Variants in CDH13 observed in about 807,000 individuals in gnomAD.
The protein encoded by CDH13 is cadherin 13, also known as cadherin-13.
A neutral mutation model predicts 63.8 loss-of-function variants in CDH13; 24 were observed. The observed-to-expected ratio is 0.38, with a 90% CI of 0.27 to 0.53. The LOEUF is 0.53. Ranked by LOEUF, CDH13 falls within the 20% of genes least tolerant of loss-of-function variation. CDH13 has a pLI of 0.85. For missense variants in CDH13, 1,049 were observed against 903.1 expected (o/e 1.16, Z -2.07); for synonymous variants, 503 against 355.3 (o/e 1.42, Z -4.67).
intron 4 of CDH13, among the ~76,000 whole-genome samples, chr16:83,143,128 C>G (rs1490747687): frequency 6.6e-6 from 1 of 152,116 alleles, no homozygotes; most frequent in Non-Finnish European, 1.5e-5. Flanking sequence ...GAGTTAAGGG[C>G]AGGCTGTCTT....
intron 10 of CDH13, among the ~76,000 whole-genome samples, chr16:83,724,978 G>A (rs1056200660): frequency 3.9e-5 from 6 of 152,184 alleles, no homozygotes; most frequent in African/African-American, 1.4e-4. Flanking sequence ...CTGATTCACA[G>A]ATAGTGGGGA....
intron 7 of CDH13, among the ~76,000 whole-genome samples, chr16:83,514,468 A>G (rs2074652011): frequency 6.6e-6 from 1 of 152,138 alleles, no homozygotes; most frequent in Non-Finnish European, 1.5e-5. Context: ...ACCTGGTGAA[A>G]CCCAATCTCC....
intron 6 of CDH13, among the ~76,000 whole-genome samples, chr16:83,370,998 C>G (rs2091356224): frequency 6.6e-6 from 1 of 152,160 alleles, no homozygotes; most frequent in African/African-American, 2.4e-5. Flanking sequence ...CATCTCACAC[C>G]AGTCAGAATG....
intron 1 of CDH13, among the ~76,000 whole-genome samples, chr16:82,677,589 G>A (rs1262532470): frequency 6.6e-6 from 1 of 151,936 alleles, no homozygotes; most frequent in East Asian, 1.9e-4. Flanking sequence ...TCTTTCAACA[G>A]TGAGGAAATC....
chr16:83,183,653 C>T (rs1027074231), intron 4 of CDH13, among the ~76,000 whole-genome samples: 10 of 152,198 alleles, frequency 6.6e-5, no homozygotes, highest in Non-Finnish European at 1.0e-4. Context: ...GCTTCCATTT[C>T]GCTCTGGATC....
chr16:82,798,018 G>A (rs528784439), intron 1 of CDH13, among the ~76,000 whole-genome samples: 2 of 152,270 alleles, frequency 1.3e-5, no homozygotes, highest in South Asian at 2.1e-4. Context: ...CCATCACAAA[G>A]TAAAGAGACA....
At chr16:83,090,083 G>C (rs2033818462) in intron 3 of CDH13, among the ~76,000 whole-genome samples, 1 of 152,142 alleles carries the variant, frequency 6.6e-6, no homozygotes, top group African/African-American at 2.4e-5. Flanking sequence ...ACCTCGCGTA[G>C]ATTTGAGGCT....
intron 1 of CDH13, among the ~76,000 whole-genome samples, chr16:82,763,966 C>G (rs902309189): frequency 2.6e-5 from 4 of 152,176 alleles, no homozygotes. Context: ...AGCCACTGTG[C>G]CTGGCCATCC....
intron 2 of CDH13, among the ~76,000 whole-genome samples, chr16:83,027,033 G>T (rs1203943505): frequency 1.3e-5 from 2 of 151,758 alleles, no homozygotes; most frequent in African/African-American, 4.8e-5. Flanking sequence ...AAATCAAGAG[G>T]TCACTACGGG....
chr16:83,039,805 TC>T (rs771538208), intron 3 of CDH13, among the ~76,000 whole-genome samples: 2 of 152,090 alleles, frequency 1.3e-5, no homozygotes, highest in Non-Finnish European at 2.9e-5. Context: ...AGCTTTCCCA[TC>T]CCTTCACACT....
At chr16:82,899,428 A>G (rs2041381898) in intron 2 of CDH13, among the ~76,000 whole-genome samples, 1 of 152,246 alleles carries the variant, frequency 6.6e-6, no homozygotes. Flanking sequence ...ATTGAAAGGT[A>G]TCATAAAATG....
At chr16:82,884,421 A>G in intron 2 of CDH13, 1 of 320,254 alleles carries the variant, frequency 3.1e-6, no homozygotes, top group Non-Finnish European at 6.2e-6. Flanking sequence ...GTTGCAGTAG[A>G]CAAAGCAAGA....
rs771379747 is a variant in CDH13 at position 83,080,232 on chromosome 16, G to A, written c.367-45153G>A. Among the ~76,000 whole-genome samples, 181 of 152,204 alleles carry A rather than the reference G, an allele frequency of 1.2e-3. 1 individual carries two copies. Among genetic ancestry groups the A allele is most frequent in the South Asian group, 9.8e-3 (47 of 4,798 alleles). On this transcript the variant is annotated intron_variant, in intron 3 of 13. Coordinates refer to ENST00000567109, the MANE Select transcript of CDH13 (RefSeq NM_001257.5). ...TCATTCTTCAGTTGGAGGTGGTTCA[G>A]GGCCCCATGTTGCTCAAATTGGTGA...
At chr16:83,546,984 C>A (rs1008159304) in intron 7 of CDH13, among the ~76,000 whole-genome samples, 2 of 152,204 alleles carry the variant, frequency 1.3e-5, no homozygotes, top group East Asian at 3.9e-4. Flanking sequence ...CGGTCCTGAA[C>A]AGCCTGGCTT....
rs1009422887 is a variant in CDH13 at position 83,131,749 on chromosome 16, A to C, written c.483+6248A>C. 2.2e-4 allele frequency among the ~76,000 whole-genome samples: 34 copies of C among 152,220 alleles called. 1 individual carries two copies. Among genetic ancestry groups the C allele is most frequent in the Non-Finnish European group, 1.3e-4 (9 of 68,040 alleles). On this transcript the variant is annotated intron_variant, in intron 4 of 13. Coordinates refer to ENST00000567109, the MANE Select transcript of CDH13 (RefSeq NM_001257.5). ...CAAACCCTTTTCATCAAAACCAATGAAAGTACTTTTTTACAGAAAATCCTG... is the reference window on the plus strand; with the variant it reads ...CAAACCCTTTTCATCAAAACCAATGCAAGTACTTTTTTACAGAAAATCCTG...
intron 6 of CDH13, among the ~76,000 whole-genome samples, chr16:83,390,927 C>T (rs916883447): frequency 1.1e-4 from 17 of 152,206 alleles, no homozygotes; most frequent in African/African-American, 3.9e-4. Flanking sequence ...TCAGGCTCAG[C>T]AGAGGCCTGG....
chr16:83,531,624 G>T (rs997546050), intron 7 of CDH13, among the ~76,000 whole-genome samples: 1 of 152,190 alleles, frequency 6.6e-6, no homozygotes, highest in Non-Finnish European at 1.5e-5. Flanking sequence ...AATTACAAAT[G>T]TCCCTACAAG....
chr16:83,377,677 C>T (rs535384861), intron 6 of CDH13, among the ~76,000 whole-genome samples: 1 of 152,290 alleles, frequency 6.6e-6, no homozygotes, highest in Non-Finnish European at 1.5e-5. Flanking sequence ...CAGTGAGCTT[C>T]CATTTCTTCT....
chr16:83,005,877 T>G (rs893578065), intron 2 of CDH13, among the ~76,000 whole-genome samples: 1 of 152,266 alleles, frequency 6.6e-6, no homozygotes, highest in Non-Finnish European at 1.5e-5. Context: ...TCATCTTCAC[T>G]GATAATGAGT....
Sources: allele counts gnomAD v4.1 joint callset (sites outside exome capture counted in the v4.1 genomes callset), GRCh38; gene constraint gnomAD v4.1.1; transcripts MANE v1.5; gene names NCBI Gene and HGNC (gene_info 2026-07-23, HGNC 2026-07-21).